DOK4: variants seen among roughly 807,000 people sequenced by gnomAD.
DOK4 encodes the protein docking protein 4.
A neutral mutation model predicts 40.1 loss-of-function variants in DOK4; 26 were observed. The ratio of observed to expected loss-of-function variants is 0.65; its 90% CI spans 0.48 to 0.90. DOK4 has a LOEUF of 0.90. Among genes scored for constraint, DOK4 ranks in the 40% least tolerant of loss-of-function variants. DOK4 has a pLI of 0.00. For missense variants in DOK4, 392 were observed against 437.2 expected, an observed-to-expected ratio of 0.90 and a Z score of 0.92; for synonymous variants, 179 against 177.0, an observed-to-expected ratio of 1.01 and a Z score of -0.09.
Position 57,473,493 on chromosome 16 carries a change from C to CA in DOK4, c.864dup (p.Glu289Ter). On this transcript the variant is annotated frameshift_variant and splice_region_variant, in exon 9 of 9. Coordinates refer to ENST00000340099, the Ensembl canonical transcript of DOK4. LOFTEE classifies it high-confidence loss of function. ...CTGGCCTGGGCTGCCCCATACCCCT[C>CA]ACCTGTGGGCACAGAAGCAGGCTCA... The CA allele has an allele frequency of 6.2e-7, 1 of 1,614,226 alleles. No individual in the cohort carries two copies. Among genetic ancestry groups the CA allele is most frequent in the Non-Finnish European group, 8.5e-7 (1 of 1,180,030 alleles).
At chr16:57,484,951 G>A (rs1232357200) in intron 1 of DOK4, among the ~76,000 whole-genome samples, 2 of 152,242 alleles carry the variant, frequency 1.3e-5, no homozygotes, top group Non-Finnish European at 2.9e-5. Context: ...CTCTATCCCA[G>A]CTCCCAGAAT....
At chr16:57,486,462 C>A in exon 1 of DOK4, 1 of 151,746 alleles carries the variant, frequency 6.6e-6, no homozygotes, top group South Asian at 1.8e-4. Context: ...GGCTAGGGAT[C>A]GGGCTCCGGC....
At chr16:57,473,258 A>AGAG (rs2030953474) in exon 9 of DOK4, 3 of 1,418,732 alleles carry the variant, frequency 2.1e-6, no homozygotes, top group African/African-American at 1.4e-5. Flanking sequence ...AGGAGGGGGC[A>AGAG]GCTTGCTCCC....
chr16:57,472,991 A>C, exon 9 of DOK4: 1 of 178,890 alleles, frequency 5.6e-6, no homozygotes. Flanking sequence ...GGGCTGTGCC[A>C]TGGAGGATGG....
intron 2 of DOK4, among the ~76,000 whole-genome samples, chr16:57,477,081 T>C (rs1466031457): frequency 1.3e-5 from 2 of 152,188 alleles, no homozygotes; most frequent in African/African-American, 4.8e-5. Flanking sequence ...CTGGAAACAG[T>C]AGGGAGACTG....
Position 57,476,056 on chromosome 16 carries a change from G to A in DOK4, c.67-99C>T, listed in dbSNP as rs191991142. ...CCTGCCTGCCACAGGGGGCGGTGCC[G>A]CACAGCCTTCCCTGGAGCCCCAGCC... On this transcript the variant is annotated intron_variant, in intron 2 of 8. Coordinates refer to ENST00000340099, the Ensembl canonical transcript of DOK4. The A allele has an allele frequency of 7.3e-5, 74 of 1,010,478 alleles. No individual in the cohort carries two copies. The African/African-American group carries it at 8.9e-4, about 12-fold the overall frequency. 62.6% of individuals were successfully genotyped at this position (1,010,478 alleles called of 1,614,324 possible).
chr16:57,477,402 C>T (rs2031228211), intron 2 of DOK4, among the ~76,000 whole-genome samples: 1 of 152,264 alleles, frequency 6.6e-6, no homozygotes, highest in South Asian at 2.1e-4. Context: ...ATTTTATCCA[C>T]AGAATCCTCA....
At chr16:57,481,223 C>T (rs143122828) in intron 1 of DOK4, among the ~76,000 whole-genome samples, 24 of 152,172 alleles carry the variant, frequency 1.6e-4, no homozygotes, top group East Asian at 3.9e-4. Context: ...AGTGGGCACA[C>T]GCACAGATGG....
intron 1 of DOK4, among the ~76,000 whole-genome samples, chr16:57,484,482 T>C (rs146468456): frequency 8.2e-4 from 125 of 152,256 alleles, no homozygotes; most frequent in African/African-American, 2.6e-3. Flanking sequence ...TCAAGGTGGA[T>C]GGCAAAGACA....
At chr16:57,483,457 C>T (rs1370830134) in intron 1 of DOK4, among the ~76,000 whole-genome samples, 1 of 151,898 alleles carries the variant, frequency 6.6e-6, no homozygotes, top group Non-Finnish European at 1.5e-5. Context: ...ATAGAGAGAC[C>T]CCGTCTCTAC....
At chr16:57,473,062 A>AT (rs2030939184) in exon 9 of DOK4, 1 of 317,630 alleles carries the variant, frequency 3.1e-6, no homozygotes, top group South Asian at 6.3e-5. Flanking sequence ...GGATTAAAAA[A>AT]TTTGTGTGTA....
chr16:57,476,138 C>T (rs1186195045), intron 2 of DOK4, 181 bp from the exon 3 acceptor site: 1 of 598,024 alleles, frequency 1.7e-6, no homozygotes, highest in African/African-American at 1.9e-5. Flanking sequence ...AGAGAAGCCT[C>T]CTCCCCAAAT....
Position 57,483,370 on chromosome 16 carries a change from C to T in DOK4, c.-182+2935G>A, listed in dbSNP as rs538669570. Among the ~76,000 whole-genome samples the T allele has an allele frequency of 3.0e-4, 45 of 152,302 alleles. No individual in the cohort carries two copies. In the South Asian group the frequency reaches 7.5e-3, roughly 25 times the overall value. ...AGCAGACCAGGCACAGTGGCTCACACCTGTAATCCCAACACTTTGGGAGGC... is the reference window on the plus strand; with the variant it reads ...AGCAGACCAGGCACAGTGGCTCACATCTGTAATCCCAACACTTTGGGAGGC... On this transcript the variant is annotated intron_variant, in intron 1 of 8. Coordinates refer to ENST00000340099, the Ensembl canonical transcript of DOK4.
At chr16:57,487,291 C>G (rs2031565976), upstream of DOK4, 1 of 152,256 alleles carries the variant, frequency 6.6e-6, no homozygotes, top group South Asian at 2.1e-4. Context: ...GGACCAGAAG[C>G]TTCCCATCAC....
At chr16:57,475,243 T>A (rs532687318) in intron 4 of DOK4, 24 bp from the exon 5 acceptor site, 1 of 1,606,886 alleles carries the variant, frequency 6.2e-7, no homozygotes, top group East Asian at 2.2e-5. Flanking sequence ...TACTTCATCA[T>A]GCAGCTCCAG....
At chr16:57,471,988 A>G (rs1187224502) in exon 9 of DOK4, 2 of 152,772 alleles carry the variant, frequency 1.3e-5, no homozygotes, top group Non-Finnish European at 2.9e-5. Context: ...ATTTTTGGCA[A>G]TAAAGAGCAC....
intron 6 of DOK4, 127 bp from the exon 7 acceptor site, chr16:57,474,166 T>C (rs2031034735): frequency 7.6e-7 from 1 of 1,315,936 alleles, no homozygotes; most frequent in Non-Finnish European, 1.0e-6. Context: ...AGGGCTGTGG[T>C]CTGGGGGTCC....
At chr16:57,475,748 C>T (rs1393713153) in intron 3 of DOK4, 102 bp downstream of exon 3, 40 of 821,804 alleles carry the variant, frequency 4.9e-5, no homozygotes, top group Non-Finnish European at 7.3e-5. Context: ...CTCCCTCTCT[C>T]CCCCTTTCTC....
intron 1 of DOK4, among the ~76,000 whole-genome samples, chr16:57,482,869 C>T (rs1487097887): frequency 2.0e-5 from 3 of 152,212 alleles, no homozygotes; most frequent in African/African-American, 7.2e-5. Context: ...CCAGACAGGG[C>T]GGTGAAACCA....
Sources: gnomAD v4.1 joint callset for allele counts (sites outside exome capture counted in the v4.1 genomes callset) on GRCh38, gnomAD v4.1.1 for gene constraint, MANE v1.5 for transcripts, NCBI Gene and HGNC (gene_info 2026-07-23, HGNC 2026-07-21) for gene names.